CEP192: variants seen among roughly 807,000 people sequenced by gnomAD.
CEP192 encodes centrosomal protein 192.
CEP192 carries 151 observed loss-of-function variants against 271.8 expected under a neutral mutation model. That is an observed-to-expected ratio of 0.56 (90% confidence interval 0.49 to 0.64). The LOEUF (loss-of-function observed/expected upper bound fraction) is 0.64, where lower values mean the gene tolerates loss of function less well. Among genes scored for constraint, CEP192 ranks in the 30% least tolerant of loss-of-function variants. The pLI is 0.00. For missense variants in CEP192, 2,910 were observed against 3,020.5 expected (o/e 0.96, Z 0.86); for synonymous variants, 995 against 1,076.5 (o/e 0.92, Z 1.48).
At chr18:13,013,943 C>G (rs987170356) in intron 5 of CEP192, among the ~76,000 whole-genome samples, 1 of 152,222 alleles carries the variant, frequency 6.6e-6, no homozygotes, top group Admixed American at 6.5e-5. Context: ...TAGCTTATGG[C>G]CTGCATCCAG....
intron 9 of CEP192, among the ~76,000 whole-genome samples, chr18:13,022,715 A>C (rs752028246): frequency 4.8e-4 from 73 of 152,192 alleles, no homozygotes; most frequent in Non-Finnish European, 9.6e-4. Context: ...TCAGTATCCA[A>C]ATTCAGAACT....
Position 13,124,852 on chromosome 18 carries a change from G to GCA in CEP192, c.*82_*83insCA. The GCA allele has an allele frequency of 8.8e-7, 1 of 1,136,100 alleles. No individual in the cohort carries two copies. Among genetic ancestry groups the GCA allele is most frequent in the Non-Finnish European group, 1.2e-6 (1 of 807,834 alleles). 70.4% of individuals were successfully genotyped at this position (1,136,100 alleles called of 1,614,324 possible). A position where few individuals can be genotyped will look rare whatever the true frequency, so the allele number is the denominator to read the frequency against. On this transcript the variant is annotated 3_prime_UTR_variant, in exon 45 of 45. Transcript: ENST00000506447. ...CTTTCTACACTACAATTATGCTTTT[G>GCA]TATATATATTTTGTATGATGGATAT...
intron 14 of CEP192, among the ~76,000 whole-genome samples, chr18:13,041,636 G>C (rs1191285254): frequency 6.6e-6 from 1 of 150,776 alleles, no homozygotes; most frequent in Non-Finnish European, 1.5e-5. Flanking sequence ...CGTGATCTCG[G>C]CTCACTGCAA....
intron 4 of CEP192, 68 bp downstream of exon 4, chr18:13,008,699 T>G: frequency 7.6e-7 from 1 of 1,315,134 alleles, no homozygotes; most frequent in Non-Finnish European, 1.0e-6. Context: ...TCCTTATCTT[T>G]GGATTTTTTT....
intron 11 of CEP192, among the ~76,000 whole-genome samples, chr18:13,034,089 A>G (rs890194608): frequency 2.6e-5 from 4 of 152,222 alleles, no homozygotes; most frequent in African/African-American, 9.6e-5. Context: ...GTGGTGTCAT[A>G]AATACACCTT....
chr18:13,102,854 C>T (rs776313632), intron 38 of CEP192, among the ~76,000 whole-genome samples: 34 of 152,152 alleles, frequency 2.2e-4, no homozygotes, highest in Non-Finnish European at 3.4e-4. Flanking sequence ...CCCGTGTGCT[C>T]GGGCCCAGGC....
chr18:13,058,058 GAATAT>G (rs1372850593), intron 20 of CEP192: 1 of 161,112 alleles, frequency 6.2e-6, no homozygotes, highest in Non-Finnish European at 1.3e-5. Flanking sequence ...AAAGGTGATT[GAATAT>G]AAGTAACCAT....
At chr18:13,077,213 G>A (rs563405822) in intron 30 of CEP192, among the ~76,000 whole-genome samples, 12 of 152,324 alleles carry the variant, frequency 7.9e-5, no homozygotes, top group African/African-American at 2.9e-4. Context: ...TTTCAAGTTT[G>A]CAAGGAAGTA....
At chr18:13,089,103 T>A (rs2039024773) in intron 32 of CEP192, among the ~76,000 whole-genome samples, 1 of 152,208 alleles carries the variant, frequency 6.6e-6, no homozygotes. Context: ...AATTTAGGTA[T>A]TCCCCTTCAA....
intron 17 of CEP192, 133 bp downstream of exon 17, chr18:13,050,024 T>C: frequency 1.5e-6 from 1 of 687,244 alleles, no homozygotes; most frequent in East Asian, 2.9e-5. Flanking sequence ...TGTGAATTTC[T>C]TTCCAGCTAT....
chr18:13,109,791 A>G (rs908748446), intron 40 of CEP192, among the ~76,000 whole-genome samples: 1 of 152,172 alleles, frequency 6.6e-6, no homozygotes, highest in African/African-American at 2.4e-5. Flanking sequence ...ATAATAGACA[A>G]ACCTTTGGCA....
chr18:13,006,894 C>G (rs1017524555), intron 3 of CEP192, among the ~76,000 whole-genome samples: 1 of 152,184 alleles, frequency 6.6e-6, no homozygotes, highest in African/African-American at 2.4e-5. Context: ...CAAGCCCTTC[C>G]CTCCCCGTTG....
chr18:13,000,100 T>C (rs1336705152), intron 2 of CEP192, among the ~76,000 whole-genome samples: 1,397 of 109,938 alleles, frequency 0.013, 96 homozygotes, highest in African/African-American at 0.043. Flanking sequence ...TCTTTTTTTT[T>C]TTTTTTTTTT....
At chr18:13,042,382 T>G (rs772505056) in intron 15 of CEP192, 48 bp downstream of exon 15, 2 of 1,596,798 alleles carry the variant, frequency 1.3e-6, no homozygotes, top group South Asian at 2.2e-5. Context: ...TTGTTGTAGT[T>G]CTTATCTAGG....
Position 13,068,437 on chromosome 18 carries a change from CTGTG to C in CEP192, c.4822+18_4822+21del, listed in dbSNP as rs779951057. 3.8e-6 allele frequency: 6 copies of C among 1,586,296 alleles called. No homozygotes were observed. In the East Asian group the frequency reaches 9.0e-5, roughly 24 times the overall value. Reference sequence around the variant, plus strand: ...CAGCTCTTCAGGTATCATGTTTACACTGTGTGGGAATTGCTTTAATCTGTAGCTA... The same window carrying C: ...CAGCTCTTCAGGTATCATGTTTACACTGGGAATTGCTTTAATCTGTAGCTA... On this transcript the variant is annotated intron_variant, in intron 24 of 44. Transcript: ENST00000506447.
chr18:13,100,712 CTG>C (rs1344369060), intron 38 of CEP192, among the ~76,000 whole-genome samples, 200 bp downstream of exon 38: 5 of 152,206 alleles, frequency 3.3e-5, no homozygotes, highest in Admixed American at 6.5e-5. Flanking sequence ...TTTACTAACT[CTG>C]TGTATTCCGG....
At chr18:13,100,270 G>A (rs920213622) in intron 37 of CEP192, 35 bp from the exon 38 acceptor site, 42 of 1,454,842 alleles carry the variant, frequency 2.9e-5, no homozygotes, top group East Asian at 2.3e-5. Flanking sequence ...TGATAGATAC[G>A]TTTGTAGCTT....
At chr18:13,069,286 T>C (rs920186911) in intron 26 of CEP192, 105 bp downstream of exon 26, 8 of 901,612 alleles carry the variant, frequency 8.9e-6, no homozygotes, top group Non-Finnish European at 1.4e-5. Context: ...CAGAGTGCCC[T>C]GAACCTCAGA....
intron 17 of CEP192, among the ~76,000 whole-genome samples, chr18:13,051,709 A>G (rs2036804059): frequency 6.6e-6 from 1 of 151,872 alleles, no homozygotes; most frequent in African/African-American, 2.4e-5. Flanking sequence ...ATGCCCAACT[A>G]ATTTTTTGTA....
Sources: allele counts gnomAD v4.1 joint callset (sites outside exome capture counted in the v4.1 genomes callset), GRCh38; gene constraint gnomAD v4.1.1; transcripts MANE v1.5; gene names NCBI Gene and HGNC (gene_info 2026-07-23, HGNC 2026-07-21).